Variants in DMD observed in about 807,000 individuals in gnomAD.
The protein encoded by DMD is mutant dystrophin.
Under a neutral mutation model 330.1 loss-of-function variants are expected in DMD, and 63 were observed. That is an observed-to-expected ratio of 0.19 (90% CI 0.16 to 0.24). The LOEUF is 0.24. Among genes scored for constraint, DMD ranks in the 10% least tolerant of loss-of-function variants. The pLI is 1.00. For missense variants in DMD, 3,344 were observed against 2,684.1 expected (o/e 1.25, Z -5.43); for synonymous variants, 1,223 against 959.8 (o/e 1.27, Z -5.07).
chrX:32,766,330 C>T (rs542726006), intron 7 of DMD, among the ~76,000 whole-genome samples: 2 of 111,050 alleles, frequency 1.8e-5, no homozygotes, highest in Non-Finnish European at 3.8e-5. Flanking sequence ...TTTCATAAAC[C>T]TGGGGTTCCT....
chrX:32,999,606 C>T (rs1332402400), intron 2 of DMD, among the ~76,000 whole-genome samples: 2 of 110,200 alleles, frequency 1.8e-5, no homozygotes, highest in East Asian at 5.8e-4. Context: ...TGAAACCCCG[C>T]CTCTACTAAA....
chrX:32,447,903 G>A lies in DMD; in HGVS notation c.3786+553C>T, dbSNP rs1463209936. On this transcript the variant is annotated intron_variant, in intron 27 of 78. Coordinates refer to ENST00000357033, the MANE Select transcript of DMD (RefSeq NM_004006.3). ...AGGCCCATCCATAAAAGTTAAAGCA[G>A]AAGTTGTGATAATACATAAATATAA... Among the ~76,000 whole-genome samples the A allele has an allele frequency of 5.4e-5, 6 of 111,265 alleles. No homozygotes were observed. The Admixed American group carries it at 5.7e-4, about 11-fold the overall frequency.
chrX:31,158,019 G>A (rs1337634871), intron 74 of DMD, among the ~76,000 whole-genome samples: 1 of 109,476 alleles, frequency 9.1e-6, no homozygotes, highest in Non-Finnish European at 1.9e-5. Context: ...TGCCCAGGCT[G>A]GTCTCAAATT....
intron 52 of DMD, among the ~76,000 whole-genome samples, chrX:31,711,997 T>TC (rs1337219836): frequency 9.0e-6 from 1 of 111,295 alleles, no homozygotes; most frequent in East Asian, 2.8e-4. Flanking sequence ...GAAAATCTGT[T>TC]AATCCACATG....
intron 33 of DMD, among the ~76,000 whole-genome samples, chrX:32,384,848 T>A (rs1329740365): frequency 9.0e-6 from 1 of 111,164 alleles, no homozygotes; most frequent in Non-Finnish European, 1.9e-5. Context: ...TCCAAGAAAT[T>A]CAGTTCTTTC....
chrX:31,381,517 T>C (rs1343737582), intron 60 of DMD, among the ~76,000 whole-genome samples: 4 of 111,859 alleles, frequency 3.6e-5, no homozygotes, highest in African/African-American at 1.3e-4. Context: ...ACTCACTCTT[T>C]GTTGAGTCTC....
intron 2 of DMD, among the ~76,000 whole-genome samples, chrX:32,877,777 C>T (rs1311993168): frequency 8.9e-6 from 1 of 111,882 alleles, no homozygotes; most frequent in African/African-American, 3.3e-5. Context: ...CTGGTGACTA[C>T]TGGAATACAA....
intron 71 of DMD, 142 bp downstream of exon 71, chrX:31,177,790 A>T: frequency 1.7e-6 from 1 of 574,983 alleles, no homozygotes; most frequent in East Asian, 3.6e-5. Flanking sequence ...GAAAAAAAAA[A>T]ACTGAAATGA....
intron 64 of DMD, among the ~76,000 whole-genome samples, chrX:31,218,924 C>A (rs1358735938): frequency 9.0e-6 from 1 of 111,390 alleles, no homozygotes; most frequent in Non-Finnish European, 1.9e-5. Flanking sequence ...ACTCATGCAT[C>A]ATTCTAGCCT....
At chrX:33,270,481 C>T (rs1042624359) in intron 1 of DMD, among the ~76,000 whole-genome samples, 8 of 111,814 alleles carry the variant, frequency 7.2e-5, no homozygotes, top group Admixed American at 6.7e-4. Context: ...CATGGCTCTA[C>T]GTGGGTCCTT....
intron 17 of DMD, among the ~76,000 whole-genome samples, chrX:32,534,536 AC>A (rs2047776298): frequency 9.0e-6 from 1 of 111,246 alleles, no homozygotes; most frequent in African/African-American, 3.3e-5. Flanking sequence ...AGCAGACGCC[AC>A]CATGCTTCCT....
At chrX:31,959,127 C>T (rs902231221) in intron 45 of DMD, among the ~76,000 whole-genome samples, 1 of 111,835 alleles carries the variant, frequency 8.9e-6, no homozygotes, top group Non-Finnish European at 1.9e-5. Context: ...TTCTATTCTG[C>T]TTACTCATTG....
chrX:32,617,608 T>G (rs1415139481), intron 11 of DMD, among the ~76,000 whole-genome samples: 3 of 111,486 alleles, frequency 2.7e-5, no homozygotes, highest in Non-Finnish European at 3.8e-5. Flanking sequence ...ACTCTCAATC[T>G]ATTAGTAGAA....
intron 42 of DMD, among the ~76,000 whole-genome samples, chrX:32,308,843 T>C (rs926609410): frequency 6.3e-5 from 7 of 110,809 alleles, no homozygotes; most frequent in Admixed American, 1.9e-4. Flanking sequence ...GAATGGATAT[T>C]AGCTCATTGG....
rs150048217 is a variant in DMD at position 31,260,057 on chromosome X, T to C, written c.9286+898A>G. ...AGCCTGGGCAACATAGTGAGACCCA[T>C]CTCTACAAAAATAAATAAAAATAAA... On this transcript the variant is annotated intron_variant, in intron 63 of 78. Coordinates refer to ENST00000357033, the MANE Select transcript of DMD (RefSeq NM_004006.3). Among the ~76,000 whole-genome samples the C allele has an allele frequency of 7.1e-3, 789 of 111,533 alleles. 3 individuals are homozygous for C. The highest frequency in any genetic ancestry group is 0.011 in the Non-Finnish European group (594 of 53,111).
At chrX:32,498,225 C>T (rs2043692277) in intron 19 of DMD, among the ~76,000 whole-genome samples, 1 of 111,103 alleles carries the variant, frequency 9.0e-6, no homozygotes, top group Admixed American at 9.6e-5. Context: ...TACAGCTATC[C>T]AAAAATGTCT....
chrX:31,256,675 A>C (rs1185286682), intron 63 of DMD, among the ~76,000 whole-genome samples: 1 of 111,038 alleles, frequency 9.0e-6, no homozygotes, highest in East Asian at 2.8e-4. Context: ...TTTGAGTTTA[A>C]AGTTACCTGA....
intron 7 of DMD, among the ~76,000 whole-genome samples, chrX:32,792,132 C>A (rs1193968900): frequency 9.0e-6 from 1 of 111,567 alleles, no homozygotes. Context: ...ATACTCTACC[C>A]AGCCAAGGTA....
At chrX:31,193,911 T>C (rs1051479447) in intron 67 of DMD, among the ~76,000 whole-genome samples, 6 of 111,694 alleles carry the variant, frequency 5.4e-5, no homozygotes, top group Non-Finnish European at 1.1e-4. Context: ...CCCGGCGTGG[T>C]GGCTGATACC....
Sources: allele counts gnomAD v4.1 joint callset (sites outside exome capture counted in the v4.1 genomes callset), GRCh38; gene constraint gnomAD v4.1.1; transcripts MANE v1.5; gene names NCBI Gene and HGNC (gene_info 2026-07-23, HGNC 2026-07-21).